The following DIP2C variants were observed in gnomAD, a reference collection of about 807,000 sequenced individuals.
DIP2C encodes the protein disco-interacting protein 2 homolog C.
Under a neutral mutation model 192.4 loss-of-function variants are expected in DIP2C, and 33 were observed. The ratio of observed to expected loss-of-function variants is 0.17; its 90% CI spans 0.13 to 0.23. The LOEUF is 0.23. Ranked by LOEUF, DIP2C falls within the 10% of genes least tolerant of loss-of-function variation. DIP2C has a pLI of 1.00. For missense variants in DIP2C, 1,537 were observed against 2,110.1 expected (o/e 0.73, Z 5.32); for synonymous variants, 979 against 864.1 (o/e 1.13, Z -2.33).
At chr10:461,775 A>G (rs764151682) in intron 3 of DIP2C, among the ~76,000 whole-genome samples, 2 of 152,202 alleles carry the variant, frequency 1.3e-5, no homozygotes, top group African/African-American at 2.4e-5. Context: ...CTGACCACAT[A>G]ATTGGAAGTA....
At chr10:427,382 T>A (rs1169883512) in intron 4 of DIP2C, among the ~76,000 whole-genome samples, 1 of 152,162 alleles carries the variant, frequency 6.6e-6, no homozygotes, top group Non-Finnish European at 1.5e-5. Flanking sequence ...AGCTGCAAAA[T>A]CCCTTTTACC....
intron 2 of DIP2C, among the ~76,000 whole-genome samples, chr10:479,352 T>TA (rs1554875202): frequency 7.1e-5 from 10 of 140,196 alleles, no homozygotes; most frequent in South Asian, 2.2e-4. Flanking sequence ...TTTTTTTTTT[T>TA]AAGATGGAGT....
chr10:293,978 A>G (rs967118383), intron 32 of DIP2C, among the ~76,000 whole-genome samples: 28 of 152,212 alleles, frequency 1.8e-4, no homozygotes, highest in Admixed American at 1.6e-3. Context: ...AAACAGAGGA[A>G]TGTTTTCATC....
At chr10:466,639 A>G in intron 3 of DIP2C, among the ~76,000 whole-genome samples, 1 of 147,338 alleles carries the variant, frequency 6.8e-6, no homozygotes, top group Non-Finnish European at 1.5e-5. Context: ...CAACCTACTC[A>G]TCTGACAAAG....
chr10:312,272 C>T (rs945623227), intron 31 of DIP2C, among the ~76,000 whole-genome samples: 1 of 152,220 alleles, frequency 6.6e-6, no homozygotes. Flanking sequence ...AAATAATCTA[C>T]CCCAGCTGCT....
intron 1 of DIP2C, among the ~76,000 whole-genome samples, chr10:541,729 A>G (rs372392759): frequency 2.7e-4 from 33 of 120,904 alleles, no homozygotes; most frequent in African/African-American, 6.3e-4. Flanking sequence ...ATCCCACAGC[A>G]TGACCCTCCA....
intron 1 of DIP2C, among the ~76,000 whole-genome samples, chr10:595,348 C>T (rs1362250460): frequency 6.6e-6 from 1 of 152,026 alleles, no homozygotes; most frequent in Non-Finnish European, 1.5e-5. Context: ...TTTTGTAGGC[C>T]AAAAACAGCC....
rs945213318 is a variant in DIP2C at position 274,262 on chromosome 10, G to T, written c.*3063C>A. ...AAAAAAAACATTTCACAAAACATTT[G>T]TTGCCATAGGAATTATTTTTAGCAA... On this transcript the variant is annotated 3_prime_UTR_variant, in exon 37 of 37. Transcript: ENST00000280886. The T allele has an allele frequency of 3.9e-5, 6 of 152,208 alleles. No individual in the cohort carries two copies. Among genetic ancestry groups the T allele is most frequent in the Admixed American group, 3.9e-4 (6 of 15,298 alleles). 9.4% of individuals were successfully genotyped at this position (152,208 alleles called of 1,614,324 possible). A position where few individuals can be genotyped will look rare whatever the true frequency, so the allele number is the denominator to read the frequency against.
rs1965610970 is a variant in DIP2C, at chr10:416,038, C to G, written c.740-150G>C. 2.5e-5 allele frequency: 30 copies of G among 1,205,802 alleles called. 1 individual carries two copies. In the South Asian group the frequency reaches 4.3e-4, roughly 17 times the overall value. The allele number at this position is 1,205,802 out of a possible 1,614,324, so 74.7% of individuals were successfully genotyped here. A position where few individuals can be genotyped will look rare whatever the true frequency, so the allele number is the denominator to read the frequency against. On this transcript the variant is annotated intron_variant, in intron 6 of 36. Coordinates refer to ENST00000280886, the MANE Select transcript of DIP2C (RefSeq NM_014974.3). ...CTGGGAAGGGCCCGAGGTGATCATG[C>G]TGTACGGTAGCCCCGTGGCTAGGCA...
Position 589,384 on chromosome 10 carries a change from T to C in DIP2C, c.85+100110A>G, listed in dbSNP as rs118164880. On this transcript the variant is annotated intron_variant, in intron 1 of 36. Coordinates refer to ENST00000280886, the MANE Select transcript of DIP2C (RefSeq NM_014974.3). ...CTTCCCTATGGATCATTGGTTATCA[T>C]GGCTAAGAGCTCTAACCCTAGGTCA... 3.9e-4 allele frequency among the ~76,000 whole-genome samples: 60 copies of C among 152,342 alleles called. No homozygotes were observed. The East Asian group carries it at 0.011, about 27-fold the overall frequency.
At chr10:336,942 TGTGCGC>T (rs1265654944) in intron 29 of DIP2C, among the ~76,000 whole-genome samples, 6 of 57,304 alleles carry the variant, frequency 1.0e-4, no homozygotes, top group Admixed American at 6.0e-4. Flanking sequence ...TAGACTGGTG[TGTGCGC>T]GTGTGTGTGT....
At chr10:289,712 G>A (rs181896979) in intron 32 of DIP2C, among the ~76,000 whole-genome samples, 131 of 152,244 alleles carry the variant, frequency 8.6e-4, no homozygotes, top group African/African-American at 1.9e-3. Context: ...GAGTGTCTCC[G>A]GGCCCTGAGG....
Position 689,518 on chromosome 10 carries a change from C to A in DIP2C, c.61G>T (p.Glu21Ter). 1 of 1,291,394 alleles carries A rather than the reference C, an allele frequency of 7.7e-7. No homozygotes were observed. The highest frequency in any genetic ancestry group is 2.5e-5 in the Admixed American group (1 of 39,634). The allele number at this position is 1,291,394 out of a possible 1,614,324, so 80.0% of individuals were successfully genotyped here. ...LPLEVRARLA[E>*]LELELSEGDI... Reference sequence around the variant, plus strand: ...CCTTCCGACAGCTCCAGCTCCAGCTCGGCCAGGCGCGCCCGCACCTCCAGG... The same window carrying A: ...CCTTCCGACAGCTCCAGCTCCAGCTAGGCCAGGCGCGCCCGCACCTCCAGG... Residue 21 changes from glutamate (E) to a stop codon, truncating the protein, a stop_gained, in exon 1 of 37, where the codon GAG (glutamate) becomes TAG (stop). Coordinates refer to ENST00000280886, the MANE Select transcript of DIP2C (RefSeq NM_014974.3). LOFTEE classifies it high-confidence loss of function. The surrounding 1 kb of genome is among the most constrained non-coding windows in gnomAD (Gnocchi z 6.1).
chr10:535,776 G>A (rs983122703), intron 1 of DIP2C, among the ~76,000 whole-genome samples: 1 of 152,192 alleles, frequency 6.6e-6, no homozygotes, highest in Admixed American at 6.5e-5. Context: ...GAGCCTATAG[G>A]TTTGGTTCAA....
chr10:645,775 G>A (rs907093904), intron 1 of DIP2C, among the ~76,000 whole-genome samples: 1 of 152,108 alleles, frequency 6.6e-6, no homozygotes, highest in South Asian at 2.1e-4. Context: ...GAATGGGGGG[G>A]GCTATTTTGC....
chr10:382,827 T>A (rs373187934), intron 16 of DIP2C, 66 bp from the exon 17 acceptor site: 1 of 1,182,170 alleles, frequency 8.5e-7, no homozygotes, highest in South Asian at 1.6e-5. Flanking sequence ...AATCCCACCA[T>A]AGAAAATAGT....
At chr10:612,844 A>G (rs1014084972) in intron 1 of DIP2C, among the ~76,000 whole-genome samples, 1 of 152,236 alleles carries the variant, frequency 6.6e-6, no homozygotes, top group African/African-American at 2.4e-5. Flanking sequence ...CGGAAAGTCA[A>G]GAAGTGTCAG....
intron 2 of DIP2C, among the ~76,000 whole-genome samples, chr10:476,574 G>A (rs1179290797): frequency 2.6e-5 from 4 of 152,114 alleles, no homozygotes; most frequent in African/African-American, 2.4e-5. Flanking sequence ...CCATGAGTGC[G>A]AGCGGCCCGG....
intron 1 of DIP2C, among the ~76,000 whole-genome samples, chr10:640,822 CG>C (rs1855153759): frequency 6.6e-6 from 1 of 151,916 alleles, no homozygotes; most frequent in Admixed American, 6.6e-5. Flanking sequence ...GCAGCAAGGC[CG>C]GTCAAGGCTG....
Sources: gnomAD v4.1 joint callset for allele counts (sites outside exome capture counted in the v4.1 genomes callset) on GRCh38, gnomAD v4.1.1 for gene constraint, Gnocchi (gnomAD v3.1) non-coding constraint, MANE v1.5 for transcripts, NCBI Gene and HGNC (gene_info 2026-07-23, HGNC 2026-07-21) for gene names.